The following MMRN2 variants were observed in gnomAD, a reference collection of about 807,000 sequenced individuals.
MMRN2 encodes the protein multimerin 2.
A neutral mutation model predicts 68.8 loss-of-function variants in MMRN2; 53 were observed. That is an observed-to-expected ratio of 0.77 (90% CI 0.62 to 0.97). The LOEUF (loss-of-function observed/expected upper bound fraction) is 0.97, where lower values mean the gene tolerates loss of function less well. Among genes scored for constraint, MMRN2 ranks in the 50% least tolerant of loss-of-function variants. The pLI is 0.00. For synonymous variants in MMRN2, 564 were observed against 551.6 expected (o/e 1.02, Z -0.32); for missense variants, 1,266 against 1,259.5 (o/e 1.01, Z -0.08).
chr10:86,943,251 G>A lies in MMRN2; in HGVS notation c.1533C>T (p.Ala511=), dbSNP rs1169192971. 6.2e-7 allele frequency: 1 copy of A among 1,612,706 alleles called. No homozygotes were observed. Among genetic ancestry groups the A allele is most frequent in the African/African-American group, 1.3e-5 (1 of 74,944 alleles). The part of the protein sequence containing the change: ...LDVIREGQRD[A]TRALEETQVS... ...CCTGGGTCTCCTCCAGGGCACGCGT[G>A]GCGTCCCTCTGGCCCTCCCGGATGA... Residue 511 remains alanine (A), a synonymous_variant, in exon 6 of 7, where the codon GCC becomes GCT. Transcript: ENST00000372027. This position sits in a 1 kb window ranked among gnomAD's most constrained non-coding sequence, Gnocchi z 4.2.
At chr10:86,938,134 C>T (rs1233122215) in intron 6 of MMRN2, among the ~76,000 whole-genome samples, 1 of 152,034 alleles carries the variant, frequency 6.6e-6, no homozygotes, top group Non-Finnish European at 1.5e-5. Context: ...GAGTCTTGCT[C>T]TGTTGCCCAG....
chr10:86,937,535 C>T (rs1258855540), intron 6 of MMRN2, among the ~76,000 whole-genome samples: 1 of 151,958 alleles, frequency 6.6e-6, no homozygotes, highest in Non-Finnish European at 1.5e-5. Flanking sequence ...GATCCTCCAG[C>T]CTCAGCTTCC....
At chr10:86,941,970 G>A (rs765986943) in intron 6 of MMRN2, among the ~76,000 whole-genome samples, 4 of 152,040 alleles carry the variant, frequency 2.6e-5, no homozygotes, top group Non-Finnish European at 5.9e-5. Flanking sequence ...GAGGTGAAGA[G>A]ATGAGATGGG....
At chr10:86,940,107 G>T (rs1292358809) in intron 6 of MMRN2, among the ~76,000 whole-genome samples, 1 of 151,444 alleles carries the variant, frequency 6.6e-6, no homozygotes, top group African/African-American at 2.4e-5. Context: ...CTGCCTCCCG[G>T]GTTCAAGTGA....
At chr10:86,954,618 T>G (rs1007585453) in intron 1 of MMRN2, among the ~76,000 whole-genome samples, 4 of 152,222 alleles carry the variant, frequency 2.6e-5, no homozygotes, top group Non-Finnish European at 5.9e-5. Flanking sequence ...CCTTGTTTTC[T>G]GAGGCCCTGA....
At position 86,943,376 on chromosome 10, in the gene MMRN2, C is replaced by G. The variant is rs555019898; in HGVS notation, c.1408G>C (p.Glu470Gln). Residue 470 changes from glutamate (E) to glutamine (Q), a missense_variant, in exon 6 of 7, where the codon GAG (glutamate) becomes CAG (glutamine). By Grantham distance (29) the Glu-to-Gln change is conservative (BLOSUM62 2). Coordinates refer to ENST00000372027, the MANE Select transcript of MMRN2 (RefSeq NM_024756.3). The surrounding 1 kb of genome is among the most constrained non-coding windows in gnomAD (Gnocchi z 4.2). ...AGGTGCTGCAGCGTGAGGTTGAGCT[C>G]CAGGAGCTGCCGCTCCACCTCCTCC... ...NKEEVERQLL[E>Q]LNLTLQHLQG... The G allele has an allele frequency of 3.3e-5, 53 of 1,613,952 alleles. No individual in the cohort carries two copies. The highest frequency in any genetic ancestry group is 4.4e-5 in the Non-Finnish European group (52 of 1,180,010).
At chr10:86,957,323 G>A in intron 1 of MMRN2, 55 bp downstream of exon 1, 1 of 1,582,678 alleles carries the variant, frequency 6.3e-7, no homozygotes, top group Non-Finnish European at 8.7e-7. Flanking sequence ...TGCTCTAGCT[G>A]AGCTGGGACT....
chr10:86,956,947 T>C (rs1367257960), intron 1 of MMRN2, among the ~76,000 whole-genome samples: 4 of 152,220 alleles, frequency 2.6e-5, no homozygotes, highest in South Asian at 4.1e-4. Flanking sequence ...CTCTGCTCAC[T>C]GCTGGGCAGT....
chr10:86,943,705 G>C lies in MMRN2; in HGVS notation c.1079C>G (p.Ala360Gly), dbSNP rs1233116808. The change falls in exon 6 of 7, where the codon GCT becomes GGT. Residue 360 changes from alanine (A) to glycine (G), a missense_variant. Coordinates refer to ENST00000372027, the MANE Select transcript of MMRN2 (RefSeq NM_024756.3). This position sits in a 1 kb window ranked among gnomAD's most constrained non-coding sequence, Gnocchi z 4.2. The part of the protein sequence containing the change: ...NGSLVLATPG[A>G]GARPEPDSLQ... ...GCTGTCCGGCTCAGGCCTTGCCCCA[G>C]CCCCAGGCGTTGCCAACACCAGACT... is the stretch of plus-strand genomic sequence containing the variant. The C allele has an allele frequency of 6.2e-7, 1 of 1,609,656 alleles. No individual in the cohort carries two copies. Among genetic ancestry groups the C allele is most frequent in the South Asian group, 1.1e-5 (1 of 91,082 alleles).
intron 6 of MMRN2, among the ~76,000 whole-genome samples, chr10:86,938,782 T>C (rs563290387): frequency 1.3e-5 from 2 of 152,218 alleles, no homozygotes; most frequent in Non-Finnish European, 2.9e-5. Flanking sequence ...CAAGCCTTTG[T>C]GAATAAAAAA....
Position 86,942,945 on chromosome 10 carries a change from G to T in MMRN2, c.1839C>A (p.Leu613=). The part of the protein sequence containing the change: ...ALRHEAVLAA[L]FGEEVLEEMS... ...TCTCCTCCAGCACCTCCTCCCCGAA[G>T]AGCGCGGCCAGCACCGCCTCGTGCC... Residue 613 remains leucine, a synonymous_variant, in exon 6 of 7, where the codon CTC becomes CTA. Coordinates refer to ENST00000372027, the MANE Select transcript of MMRN2 (RefSeq NM_024756.3). 6.7e-7 allele frequency: 1 copy of T among 1,501,554 alleles called. No individual in the cohort carries two copies. The allele number at this position is 1,501,554 out of a possible 1,614,324, so 93.0% of individuals were successfully genotyped here.
chr10:86,945,504 GAT>G (rs1384518970), intron 2 of MMRN2, 28 bp from the exon 3 acceptor site: 2 of 1,557,768 alleles, frequency 1.3e-6, no homozygotes, highest in East Asian at 2.4e-5. Context: ...CTGGCTCAGT[GAT>G]TCCAGGGAGG....
At position 86,945,428 on chromosome 10, in the gene MMRN2, C is replaced by G. The variant is rs755140679; in HGVS notation, c.342G>C (p.Leu114=). Residue 114 remains leucine, a synonymous_variant, in exon 3 of 7, where the codon CTG becomes CTC. Transcript: ENST00000372027. ...GGCAGCACCTCCAGGCCAAAGAGGT[C>G]AGCACCTTCTGCTTGACCTGGTACA... ...KPVYQVKQKV[L]TSLAWRCCPG... 78 of 1,573,636 alleles carry G rather than the reference C, an allele frequency of 5.0e-5. No homozygotes were observed. The highest frequency in any genetic ancestry group is 6.3e-5 in the Non-Finnish European group (73 of 1,158,330).
In MMRN2 at chr10:86,942,567, G is replaced by A. The variant is rs1167900152; in HGVS notation, c.2217C>T (p.Ala739=). Residue 739 remains alanine (A), a synonymous_variant, in exon 6 of 7, where the codon GCC becomes GCT. Transcript: ENST00000372027. ...GGTGCTGCTCCAAGCTGCGCTGAGT[G>A]GCGAAGAGTGCGTTGTGGAGGCCGT... is the stretch of plus-strand genomic sequence containing the variant. ...SLHGLHNALF[A]TQRSLEQHQR... is the part of the protein sequence containing the mutation. 4 of 1,612,638 alleles carry A rather than the reference G, an allele frequency of 2.5e-6. No homozygotes were observed. Among genetic ancestry groups the A allele is most frequent in the South Asian group, 1.1e-5 (1 of 91,088 alleles).
At position 86,936,751 on chromosome 10, in the gene MMRN2, T is replaced by TAA. The variant is rs747143512; in HGVS notation, c.2840_2841dup (p.Lys948LeufsTer55). ...CAGATTGGGGCTGGGGTTCAGGTCT[T>TAA]AAACATCAGGAAGCCCCCAAATGCA... On this transcript the variant is annotated frameshift_variant, in exon 7 of 7. Coordinates refer to ENST00000372027, the MANE Select transcript of MMRN2 (RefSeq NM_024756.3). LOFTEE classifies it high-confidence loss of function. 1 of 1,614,068 alleles carries TAA rather than the reference T, an allele frequency of 6.2e-7. No individual in the cohort carries two copies. Among genetic ancestry groups the TAA allele is most frequent in the South Asian group, 1.1e-5 (1 of 91,078 alleles).
chr10:86,945,341 G>T lies in MMRN2; in HGVS notation c.400+29C>A, dbSNP rs375183064. The T allele has an allele frequency of 1.1e-5, 17 of 1,604,968 alleles. No individual in the cohort carries two copies. In the African/African-American group the frequency reaches 2.0e-4, roughly 19 times the overall value. ...CTTGACCTTGGGGATCAGAGGTCAAGGGGGGAAGGGGGCCGCAGGGAGCCC... is the reference window on the plus strand; with the variant it reads ...CTTGACCTTGGGGATCAGAGGTCAATGGGGGAAGGGGGCCGCAGGGAGCCC... On this transcript the variant is annotated intron_variant, in intron 3 of 6. Coordinates refer to ENST00000372027, the MANE Select transcript of MMRN2 (RefSeq NM_024756.3).
At chr10:86,938,513 G>A (rs988720913) in intron 6 of MMRN2, among the ~76,000 whole-genome samples, 11 of 152,246 alleles carry the variant, frequency 7.2e-5, no homozygotes, top group African/African-American at 2.7e-4. Flanking sequence ...TGGACAGCAT[G>A]GTTGGGCAGC....
Position 86,937,112 on chromosome 10 carries a change from G to C in MMRN2, c.2481C>G (p.Ala827=), listed in dbSNP as rs372351749. ...TCCCTTCTGAAAAGCTGGCATAGAA[G>C]GCCACAGGGGATCCTGAAACATAAC... ...AALWEAGSPV[A]FYASFSEGTA... The change falls in exon 7 of 7, where the codon GCC becomes GCG. Residue 827 remains alanine, a synonymous_variant. Transcript: ENST00000372027. The C allele has an allele frequency of 1.2e-5, 20 of 1,613,990 alleles. No homozygotes were observed. Among genetic ancestry groups the C allele is most frequent in the Middle Eastern group, 1.6e-4 (1 of 6,084 alleles).
chr10:86,942,173 G>C, intron 6 of MMRN2, 144 bp downstream of exon 6: 3 of 948,828 alleles, frequency 3.2e-6, no homozygotes, highest in Non-Finnish European at 4.5e-6. Flanking sequence ...AGAAGCAGGT[G>C]GGCCAAGGGG....
Sources: gnomAD v4.1 joint callset for allele counts (sites outside exome capture counted in the v4.1 genomes callset) on GRCh38, gnomAD v4.1.1 for gene constraint, Gnocchi (gnomAD v3.1) non-coding constraint, MANE v1.5 for transcripts, NCBI Gene and HGNC (gene_info 2026-07-23, HGNC 2026-07-21) for gene names.